Variants in SDK1 observed in about 807,000 individuals in gnomAD.
SDK1 encodes the protein protein sidekick-1.
SDK1 carries 157 observed loss-of-function variants against 245.5 expected under a neutral mutation model. The observed-to-expected ratio is 0.64, with a 90% confidence interval of 0.56 to 0.73. The LOEUF is 0.73. Ranked by LOEUF, SDK1 falls within the 30% of genes least tolerant of loss-of-function variation. The probability of loss-of-function intolerance (pLI) is 0.00; values close to 1 mark genes in which losing one functional copy is unlikely to be tolerated. For missense variants in SDK1, 3,583 were observed against 3,002.3 expected, an observed-to-expected ratio of 1.19 and a Z score of -4.52; for synonymous variants, 1,647 against 1,278.5, an observed-to-expected ratio of 1.29 and a Z score of -6.15.
At position 4,268,862 on chromosome 7, in the gene SDK1, C is replaced by G; in HGVS notation, c.*3478C>G. The G allele has an allele frequency of 1.6e-6, 1 of 617,558 alleles. No individual in the cohort carries two copies. The highest frequency in any genetic ancestry group is 2.7e-6 in the Non-Finnish European group (1 of 373,644). The allele number at this position is 617,558 out of a possible 1,614,324, so 38.3% of individuals were successfully genotyped here. A position where few individuals can be genotyped will look rare whatever the true frequency, so the allele number is the denominator to read the frequency against. On this transcript the variant is annotated 3_prime_UTR_variant, in exon 45 of 45. Transcript: ENST00000404826. ...TTCTGGTTTAGGGAGCCGTCAGGTC[C>G]CTAAACGTTCCCTACAACTTTTTCT...
chr7:4,147,643 G>A lies in SDK1; in HGVS notation c.4424-1619G>A, dbSNP rs145083466. On this transcript the variant is annotated intron_variant, in intron 29 of 44. Transcript: ENST00000404826. ...TCATTATTATTGTTATTAGCTGGAG[G>A]GACGGAAGCCCTCAGTCGCCACAGA... is the stretch of plus-strand genomic sequence containing the variant. Among the ~76,000 whole-genome samples the A allele has an allele frequency of 2.2e-3, 330 of 152,154 alleles. 1 individual carries two copies. Among genetic ancestry groups the A allele is most frequent in the African/African-American group, 7.8e-3 (324 of 41,500 alleles).
chr7:4,152,038 G>T (rs1584306055), intron 30 of SDK1, among the ~76,000 whole-genome samples: 1 of 152,216 alleles, frequency 6.6e-6, no homozygotes, highest in East Asian at 1.9e-4. Context: ...CCTTGGAAAA[G>T]TCCAACCCTT....
At chr7:3,361,686 T>G (rs1426252904) in intron 1 of SDK1, among the ~76,000 whole-genome samples, 1 of 152,236 alleles carries the variant, frequency 6.6e-6, no homozygotes, top group Non-Finnish European at 1.5e-5. Context: ...TTTAGAACTA[T>G]TGGCTTAGAA....
Position 4,267,785 on chromosome 7 carries a change from C to G in SDK1, c.*2401C>G. On this transcript the variant is annotated 3_prime_UTR_variant, in exon 45 of 45. Coordinates refer to ENST00000404826, the MANE Select transcript of SDK1 (RefSeq NM_152744.4). The stretch of plus-strand genomic sequence containing the variant: ...CGTCTCCCCTCCACTCTTAGTAAAC[C>G]TTGATCTGTACGGAGCGGCCTGTCC... 2 of 985,496 alleles carry G rather than the reference C, an allele frequency of 2.0e-6. No homozygotes were observed. Among genetic ancestry groups the G allele is most frequent in the Non-Finnish European group, 1.2e-6 (1 of 829,998 alleles). 61.0% of individuals were successfully genotyped at this position (985,496 alleles called of 1,614,324 possible). A position where few individuals can be genotyped will look rare whatever the true frequency, so the allele number is the denominator to read the frequency against.
At chr7:3,311,733 G>A (rs1404319092) in intron 1 of SDK1, among the ~76,000 whole-genome samples, 1 of 152,152 alleles carries the variant, frequency 6.6e-6, no homozygotes, top group Non-Finnish European at 1.5e-5. Flanking sequence ...TCACCACCCT[G>A]CTATAAACAC....
intron 1 of SDK1, among the ~76,000 whole-genome samples, chr7:3,463,894 C>T (rs1780909553): frequency 6.6e-6 from 1 of 152,172 alleles, no homozygotes; most frequent in Non-Finnish European, 1.5e-5. Context: ...GGCATAAGGG[C>T]CCCAAAGTTC....
intron 4 of SDK1, among the ~76,000 whole-genome samples, chr7:3,793,823 G>A (rs889049090): frequency 1.3e-5 from 2 of 152,182 alleles, no homozygotes; most frequent in African/African-American, 4.8e-5. Context: ...GGGGTGGAGA[G>A]CCATATTTCT....
chr7:3,490,607 G>C (rs905668395), intron 1 of SDK1, among the ~76,000 whole-genome samples: 1 of 152,150 alleles, frequency 6.6e-6, no homozygotes, highest in African/African-American at 2.4e-5. Context: ...TTTATATCAA[G>C]GATAGAATTC....
intron 5 of SDK1, among the ~76,000 whole-genome samples, chr7:3,824,312 C>G (rs1025557878): frequency 6.6e-6 from 1 of 152,162 alleles, no homozygotes; most frequent in African/African-American, 2.4e-5. Flanking sequence ...TTTGTAAAAA[C>G]TTTCTGGCCA....
At chr7:3,961,574 G>A (rs188159607) in intron 8 of SDK1, among the ~76,000 whole-genome samples, 354 of 151,684 alleles carry the variant, frequency 2.3e-3, no homozygotes, top group Non-Finnish European at 4.1e-3. Flanking sequence ...CTCATGGAGC[G>A]AGGCAGCTTT....
intron 1 of SDK1, among the ~76,000 whole-genome samples, chr7:3,575,606 C>A (rs1486989664): frequency 6.6e-6 from 1 of 151,912 alleles, no homozygotes; most frequent in Non-Finnish European, 1.5e-5. Flanking sequence ...GAAAATCGAT[C>A]TAGAGAGAAA....
intron 35 of SDK1, among the ~76,000 whole-genome samples, chr7:4,185,702 T>C (rs1244950302): frequency 6.6e-6 from 1 of 152,184 alleles, no homozygotes; most frequent in African/African-American, 2.4e-5. Flanking sequence ...CATATCCACC[T>C]GAGGACAGGT....
At chr7:3,513,246 G>T (rs1782639028) in intron 1 of SDK1, among the ~76,000 whole-genome samples, 1 of 152,156 alleles carries the variant, frequency 6.6e-6, no homozygotes, top group Admixed American at 6.5e-5. Flanking sequence ...TGTTTTATGG[G>T]TGGAGAAACT....
chr7:3,940,772 G>A lies in SDK1; in HGVS notation c.848-10151G>A, dbSNP rs1002220982. 5.9e-5 allele frequency among the ~76,000 whole-genome samples: 9 copies of A among 152,216 alleles called. No homozygotes were observed. In the East Asian group the frequency reaches 1.5e-3, roughly 26 times the overall value. On this transcript the variant is annotated intron_variant, in intron 5 of 44. Transcript: ENST00000404826. ...GGAGGTGGAGGTTGCAGTGAGCCGAGATCATGCCGCTGCACTCCAGCCTGG... is the reference window on the plus strand; with the variant it reads ...GGAGGTGGAGGTTGCAGTGAGCCGAAATCATGCCGCTGCACTCCAGCCTGG...
intron 1 of SDK1, among the ~76,000 whole-genome samples, chr7:3,490,101 C>G (rs1213749684): frequency 6.6e-6 from 1 of 152,104 alleles, no homozygotes; most frequent in Admixed American, 6.5e-5. Flanking sequence ...GGCGTAGGTA[C>G]CAATTAAGTG....
At chr7:3,818,789 A>G (rs1021574880) in intron 4 of SDK1, among the ~76,000 whole-genome samples, 1 of 152,178 alleles carries the variant, frequency 6.6e-6, no homozygotes, top group African/African-American at 2.4e-5. Flanking sequence ...TTCTGCTGCC[A>G]CAATTATCAG....
chr7:4,205,845 G>A (rs779099665), intron 35 of SDK1, 34 bp from the exon 36 acceptor site: 57 of 1,514,396 alleles, frequency 3.8e-5, no homozygotes, highest in Admixed American at 1.6e-4. Flanking sequence ...CTGAATGAAC[G>A]TCTCAGCTTC....
At chr7:3,331,930 G>GT (rs1780079240) in intron 1 of SDK1, among the ~76,000 whole-genome samples, 1 of 152,074 alleles carries the variant, frequency 6.6e-6, no homozygotes, top group African/African-American at 2.4e-5. Context: ...GCATTTTATG[G>GT]TAAACATTAG....
At chr7:3,555,095 T>C (rs371389950) in intron 1 of SDK1, among the ~76,000 whole-genome samples, 4 of 152,188 alleles carry the variant, frequency 2.6e-5, no homozygotes, top group African/African-American at 7.2e-5. Flanking sequence ...AAAATTTAAA[T>C]GGAACCACAA....
Sources: allele counts gnomAD v4.1 joint callset (sites outside exome capture counted in the v4.1 genomes callset), GRCh38; gene constraint gnomAD v4.1.1; transcripts MANE v1.5; gene names NCBI Gene and HGNC (gene_info 2026-07-23, HGNC 2026-07-21).